The following SCOC variants were observed in gnomAD, a reference collection of about 807,000 sequenced individuals.
SCOC encodes short coiled coil protein.
In SCOC, 7 loss-of-function variants were observed where a neutral mutation model predicts 9.9. That is an observed-to-expected ratio of 0.71 (90% CI 0.40 to 1.33). The LOEUF (loss-of-function observed/expected upper bound fraction) is 1.33. Among genes scored for constraint, SCOC ranks in the 40% most tolerant of loss-of-function variants. SCOC has a pLI of 0.01. For missense variants in SCOC, 66 were observed against 89.7 expected, an observed-to-expected ratio of 0.74 and a Z score of 1.07; for synonymous variants, 19 against 28.2, an observed-to-expected ratio of 0.67 and a Z score of 1.03.
intron 1 of SCOC, among the ~76,000 whole-genome samples, chr4:140,288,116 T>C (rs1457503968): frequency 6.6e-6 from 1 of 151,986 alleles, no homozygotes; most frequent in African/African-American, 2.4e-5. Context: ...CCCCATGCTG[T>C]ACTCATGCAC....
At chr4:140,324,524 T>C (rs995773190) in intron 1 of SCOC, among the ~76,000 whole-genome samples, 3 of 152,036 alleles carry the variant, frequency 2.0e-5, no homozygotes, top group Admixed American at 1.3e-4. Context: ...CAAAAACCAA[T>C]CATATTCCTA....
chr4:140,359,001 T>C (rs984064536), intron 2 of SCOC, among the ~76,000 whole-genome samples: 1 of 152,258 alleles, frequency 6.6e-6, no homozygotes, highest in South Asian at 2.1e-4. Context: ...TTTTGCATTT[T>C]CATTCAGTGT....
intron 1 of SCOC, among the ~76,000 whole-genome samples, chr4:140,317,300 G>A (rs1377043736): frequency 6.6e-6 from 1 of 152,180 alleles, no homozygotes; most frequent in Non-Finnish European, 1.5e-5. Flanking sequence ...AGGCAGAAAT[G>A]GAATCTACAG....
At chr4:140,260,517 G>A (rs7696749) in intron 1 of SCOC, among the ~76,000 whole-genome samples, 5,058 of 152,272 alleles carry the variant, frequency 0.033, 106 homozygotes, top group Middle Eastern at 0.058. Context: ...TCATATGCTC[G>A]AAGAACCTGG....
At chr4:140,370,715 T>C (rs140829363), upstream of SCOC, among the ~76,000 whole-genome samples, 1 of 152,198 alleles carries the variant, frequency 6.6e-6, no homozygotes, top group African/African-American at 2.4e-5. Flanking sequence ...TGTGTCTTCT[T>C]GATGAATATG....
chr4:140,271,891 C>T (rs549015948), intron 1 of SCOC, among the ~76,000 whole-genome samples: 33 of 152,146 alleles, frequency 2.2e-4, no homozygotes, highest in South Asian at 4.2e-4. Flanking sequence ...GCAGAGGAGG[C>T]GTCTGTGCAG....
chr4:140,288,230 CATGT>C (rs1208045859), intron 1 of SCOC, among the ~76,000 whole-genome samples: 5 of 151,948 alleles, frequency 3.3e-5, no homozygotes, highest in African/African-American at 1.2e-4. Context: ...CATGTACATG[CATGT>C]GTCACACCCA....
intron 1 of SCOC, among the ~76,000 whole-genome samples, chr4:140,334,695 T>C (rs1044150938): frequency 2.0e-5 from 3 of 152,216 alleles, no homozygotes; most frequent in Non-Finnish European, 1.5e-5. Flanking sequence ...CTAGAACTTA[T>C]TCATCTTGCA....
chr4:140,366,686 C>T (rs187455487), intron 2 of SCOC: 10 of 1,594,952 alleles, frequency 6.3e-6, no homozygotes, highest in Non-Finnish European at 7.7e-6. Context: ...AGGTTGAAAT[C>T]AGTGAGCTGC....
intron 1 of SCOC, among the ~76,000 whole-genome samples, chr4:140,308,464 C>G (rs1461834032): frequency 1.3e-5 from 2 of 152,122 alleles, no homozygotes; most frequent in Non-Finnish European, 2.9e-5. Context: ...AGAGGATGAC[C>G]TCCGTGAATG....
chr4:140,332,235 C>T (rs1732835860), intron 1 of SCOC, among the ~76,000 whole-genome samples: 1 of 152,036 alleles, frequency 6.6e-6, no homozygotes, highest in Admixed American at 6.6e-5. Flanking sequence ...TTAAAAGCAT[C>T]TCATACGAGA....
chr4:140,345,856 C>T lies in SCOC; in HGVS notation c.70+2148C>T, dbSNP rs186760759. The stretch of plus-strand genomic sequence containing the variant: ...ACCTAGAAAGGAAGCATTTCTCAAA[C>T]TCCTATGTTCAATAAATTCATAGAG... On this transcript the variant is annotated intron_variant, in intron 2 of 4. Coordinates refer to the SCOC transcript ENST00000338517. 2.6e-5 allele frequency among the ~76,000 whole-genome samples: 4 copies of T among 152,276 alleles called. No homozygotes were observed. In the East Asian group the frequency reaches 5.8e-4, roughly 22 times the overall value.
chr4:140,289,915 C>T (rs950986174), intron 1 of SCOC, among the ~76,000 whole-genome samples: 6 of 152,216 alleles, frequency 3.9e-5, no homozygotes, highest in Non-Finnish European at 8.8e-5. Flanking sequence ...ATAAGTAACA[C>T]CCATTACTTT....
chr4:140,273,043 C>T (rs1330108230), intron 1 of SCOC, among the ~76,000 whole-genome samples: 2 of 152,196 alleles, frequency 1.3e-5, no homozygotes, highest in African/African-American at 2.4e-5. Flanking sequence ...AATTCTCTGA[C>T]GGGCCCACGT....
At chr4:140,372,090 T>A (rs777130905), upstream of SCOC, among the ~76,000 whole-genome samples, 5 of 152,150 alleles carry the variant, frequency 3.3e-5, no homozygotes, top group African/African-American at 9.7e-5. Flanking sequence ...AGTAAGATGA[T>A]TACTGCCAGA....
Position 140,366,961 on chromosome 4 carries a change from T to C in SCOC, c.71-12160T>C, listed in dbSNP as rs1727829535. 6.2e-6 allele frequency: 3 copies of C among 482,518 alleles called. No homozygotes were observed. In the Admixed American group the frequency reaches 9.9e-5, roughly 16 times the overall value. The allele number at this position is 482,518 out of a possible 1,614,324, so 29.9% of individuals were successfully genotyped here. ...TGGCTCACGCATGTAATCCCAGCAC[T>C]TTGGGAGGCCCAGGTGGGTGGATCG... is the stretch of plus-strand genomic sequence containing the variant. On this transcript the variant is annotated intron_variant, in intron 2 of 4. Coordinates refer to the SCOC transcript ENST00000338517.
upstream of SCOC, chr4:140,373,402 C>A: frequency 4.8e-6 from 7 of 1,452,784 alleles, no homozygotes; most frequent in East Asian, 2.6e-5. Context: ...CGCTTCTTTA[C>A]TGTCATTGGC....
chr4:140,353,104 A>T (rs1197994304), intron 2 of SCOC, among the ~76,000 whole-genome samples: 1 of 152,152 alleles, frequency 6.6e-6, no homozygotes, highest in Admixed American at 6.5e-5. Flanking sequence ...ACTTGTTCAG[A>T]ATTTCAGGGT....
chr4:140,270,952 G>A (rs1730830776), intron 1 of SCOC, among the ~76,000 whole-genome samples: 1 of 152,168 alleles, frequency 6.6e-6, no homozygotes, highest in South Asian at 2.1e-4. Flanking sequence ...ATTTAAACCT[G>A]AGTCTGCTGG....
Sources: gnomAD v4.1 joint callset for allele counts (sites outside exome capture counted in the v4.1 genomes callset) on GRCh38, gnomAD v4.1.1 for gene constraint, MANE v1.5 for transcripts, NCBI Gene and HGNC (gene_info 2026-07-23, HGNC 2026-07-21) for gene names.